ZNF385D: variants seen among roughly 807,000 people sequenced by gnomAD.
ZNF385D encodes the protein zinc finger protein 659.
ZNF385D carries 15 observed loss-of-function variants against 35.8 expected under a neutral mutation model. The observed-to-expected ratio is 0.42, with a 90% CI of 0.28 to 0.64. The LOEUF (loss-of-function observed/expected upper bound fraction) is 0.64, where lower values mean the gene tolerates loss of function less well. Among genes scored for constraint, ZNF385D ranks in the 30% least tolerant of loss-of-function variants. ZNF385D has a pLI of 0.23. For missense variants in ZNF385D, 474 were observed against 494.6 expected (o/e 0.96, Z 0.39); for synonymous variants, 212 against 186.8 (o/e 1.13, Z -1.10).
chr3:22,281,484 T>C (rs1406064613), intron 2 of ZNF385D, among the ~76,000 whole-genome samples: 1 of 152,128 alleles, frequency 6.6e-6, no homozygotes, highest in African/African-American at 2.4e-5. Flanking sequence ...TCTGTGTCTA[T>C]TGAAATAATC....
intron 2 of ZNF385D, among the ~76,000 whole-genome samples, chr3:21,623,113 GTGATTTT>G (rs2065049730): frequency 1.3e-5 from 2 of 152,076 alleles, no homozygotes; most frequent in Non-Finnish European, 2.9e-5. Context: ...TACTGCCTGT[GTGATTTT>G]GGCTCTCAGT....
intron 1 of ZNF385D, among the ~76,000 whole-genome samples, chr3:21,681,720 A>G (rs2125315049): frequency 6.6e-6 from 1 of 152,096 alleles, no homozygotes; most frequent in East Asian, 1.9e-4. Flanking sequence ...ACAAACAAAA[A>G]AGGAAATAAA....
intron 3 of ZNF385D, among the ~76,000 whole-genome samples, chr3:21,545,163 G>A (rs138287978): frequency 2.9e-4 from 44 of 152,252 alleles, no homozygotes; most frequent in African/African-American, 9.6e-4. Context: ...AACTACCCTG[G>A]ATATTTTGCT....
chr3:21,618,791 A>C (rs1435131204), intron 2 of ZNF385D, among the ~76,000 whole-genome samples: 2 of 152,166 alleles, frequency 1.3e-5, no homozygotes, highest in East Asian at 3.9e-4. Flanking sequence ...GGCTAAACTT[A>C]CCTGCCCACC....
intron 3 of ZNF385D, among the ~76,000 whole-genome samples, chr3:21,905,985 A>G (rs958738859): frequency 1.3e-5 from 2 of 152,170 alleles, no homozygotes. Context: ...AAACCTACAA[A>G]TAAATACCTA....
chr3:21,817,170 T>C (rs2073187651), intron 3 of ZNF385D, among the ~76,000 whole-genome samples: 1 of 152,154 alleles, frequency 6.6e-6, no homozygotes, highest in African/African-American at 2.4e-5. Context: ...TGACACCTTA[T>C]ACAAAAATTA....
At chr3:21,574,057 T>C in intron 2 of ZNF385D, among the ~76,000 whole-genome samples, 1 of 45,418 alleles carries the variant, frequency 2.2e-5, no homozygotes, top group Non-Finnish European at 4.0e-5. Context: ...TGAAACTCCG[T>C]CTCAAAAAAA....
chr3:21,730,492 C>T (rs2068947013), intron 1 of ZNF385D, among the ~76,000 whole-genome samples: 1 of 152,122 alleles, frequency 6.6e-6, no homozygotes, highest in South Asian at 2.1e-4. Flanking sequence ...GATAACTAAC[C>T]CTTGATGAGA....
At chr3:21,723,524 C>A (rs1004755185) in intron 1 of ZNF385D, among the ~76,000 whole-genome samples, 10 of 151,768 alleles carry the variant, frequency 6.6e-5, no homozygotes, top group Admixed American at 2.6e-4. Flanking sequence ...ATCAAATAGC[C>A]GAATTTATCA....
Position 22,176,406 on chromosome 3 carries a change from A to C in ZNF385D, c.107-7371T>G, listed in dbSNP as rs530422944. ...TCACTTAGGAACTTCAAAAATGAGA[A>C]CATTTTAATTAGGAACATCTTACTT... On this transcript the variant is annotated intron_variant, in intron 2 of 5. Transcript: ENST00000494108. Among the ~76,000 whole-genome samples the C allele has an allele frequency of 1.5e-3, 232 of 152,356 alleles. 7 individuals carry two copies. The South Asian group carries it at 0.047, about 31-fold the overall frequency.
At chr3:22,110,682 A>C (rs1228533798) in intron 3 of ZNF385D, among the ~76,000 whole-genome samples, 2 of 151,948 alleles carry the variant, frequency 1.3e-5, no homozygotes, top group Non-Finnish European at 2.9e-5. Context: ...AGATACACCT[A>C]ATGTTAAATG....
chr3:21,549,245 A>G (rs922263043), intron 3 of ZNF385D, among the ~76,000 whole-genome samples: 1 of 152,210 alleles, frequency 6.6e-6, no homozygotes, highest in African/African-American at 2.4e-5. Context: ...CTGGAGGATC[A>G]AAGCCTGATT....
In ZNF385D at chr3:21,561,101, C is replaced by T. The variant is rs934392354; in HGVS notation, c.276+3473G>A. ...CTGGGCTCTGAGGGGGTGGGACCCC[C>T]GAGCCAGACCACTTGGTTCTCTGAC... is the stretch of plus-strand genomic sequence containing the variant. On this transcript the variant is annotated intron_variant, in intron 3 of 7. Transcript: ENST00000281523. Among the ~76,000 whole-genome samples, 8 of 152,188 alleles carry T rather than the reference C, an allele frequency of 5.3e-5. No individual in the cohort carries two copies. In the East Asian group the frequency reaches 5.8e-4, roughly 11 times the overall value.
At chr3:22,160,382 G>A (rs1478306571) in intron 3 of ZNF385D, among the ~76,000 whole-genome samples, 1 of 152,070 alleles carries the variant, frequency 6.6e-6, no homozygotes, top group African/African-American at 2.4e-5. Flanking sequence ...CGTCCTTGGA[G>A]ATCAAAAGGT....
At chr3:21,524,295 G>A (rs1294812665) in intron 3 of ZNF385D, among the ~76,000 whole-genome samples, 1 of 152,080 alleles carries the variant, frequency 6.6e-6, no homozygotes. Flanking sequence ...GAAGCCACTG[G>A]GAAATGTCAT....
At position 21,985,417 on chromosome 3, in the gene ZNF385D, G is replaced by C. The variant is rs1379084867; in HGVS notation, c.325+183400C>G. ...GTCAAAGGCTTTTTCTGCATCTATT[G>C]AGATAATCATGTGGTTTTTGTCTTT... is the stretch of plus-strand genomic sequence containing the variant. On this transcript the variant is annotated intron_variant, in intron 3 of 5. Transcript: ENST00000494108. 2.6e-5 allele frequency among the ~76,000 whole-genome samples: 3 copies of C among 116,042 alleles called. 1 individual carries two copies. The highest frequency in any genetic ancestry group is 1.1e-4 in the African/African-American group (3 of 26,224). 76.1% of individuals were successfully genotyped at this position (116,042 alleles called of 152,430 possible).
chr3:21,837,842 A>G (rs1217098270), intron 3 of ZNF385D, among the ~76,000 whole-genome samples: 1 of 147,704 alleles, frequency 6.8e-6, no homozygotes, highest in Non-Finnish European at 1.5e-5. Flanking sequence ...ACTGCATTCC[A>G]GCCTGGTAAC....
intron 3 of ZNF385D, among the ~76,000 whole-genome samples, chr3:21,802,551 A>AT (rs1575675722): frequency 1.4e-5 from 2 of 140,124 alleles, no homozygotes. Flanking sequence ...ATCTACATTG[A>AT]TTTAAAAAAA....
At chr3:22,340,163 G>T (rs1695359377) in intron 2 of ZNF385D, among the ~76,000 whole-genome samples, 1 of 152,094 alleles carries the variant, frequency 6.6e-6, no homozygotes, top group Non-Finnish European at 1.5e-5. Context: ...GTTATCTCAA[G>T]GTTATTGCTA....
Sources: gnomAD v4.1 joint callset for allele counts (sites outside exome capture counted in the v4.1 genomes callset) on GRCh38, gnomAD v4.1.1 for gene constraint, MANE v1.5 for transcripts, NCBI Gene and HGNC (gene_info 2026-07-23, HGNC 2026-07-21) for gene names.